The following TMEM184B variants were observed in gnomAD, a reference collection of about 807,000 sequenced individuals.
TMEM184B encodes the protein transmembrane protein 184B.
Under a neutral mutation model 41.8 loss-of-function variants are expected in TMEM184B, and 17 were observed. The observed-to-expected ratio is 0.41, with a 90% CI of 0.28 to 0.61. The LOEUF is 0.61. Ranked by LOEUF, TMEM184B falls within the 20% of genes least tolerant of loss-of-function variation. The probability of loss-of-function intolerance (pLI) is 0.34; values close to 1 mark genes in which losing one functional copy is unlikely to be tolerated. For missense variants in TMEM184B, 393 were observed against 557.8 expected (o/e 0.70, Z 2.98); for synonymous variants, 240 against 229.5 (o/e 1.05, Z -0.41).
intron 1 of TMEM184B, among the ~76,000 whole-genome samples, chr22:38,259,283 G>A (rs2092332722): frequency 6.6e-6 from 1 of 152,222 alleles, no homozygotes; most frequent in South Asian, 2.1e-4. Context: ...TATGTGCTGT[G>A]TGGTAGGCTG....
chr22:38,245,917 C>T lies in TMEM184B; in HGVS notation c.358+18G>A, dbSNP rs779497528. 2.5e-6 allele frequency: 4 copies of T among 1,589,722 alleles called. No individual in the cohort carries two copies. The highest frequency in any genetic ancestry group is 2.7e-5 in the African/African-American group (2 of 74,368). On this transcript the variant is annotated intron_variant, in intron 3 of 8. Coordinates refer to ENST00000361906, the MANE Select transcript of TMEM184B (RefSeq NM_012264.5). ...CCCAGCCCCCCGCCAGCCCTCCCCA[C>T]TCCGTCCCCATCCTCACCCTCATAG...
intron 3 of TMEM184B, among the ~76,000 whole-genome samples, chr22:38,238,110 T>C (rs1047276501): frequency 2.6e-5 from 4 of 151,922 alleles, no homozygotes; most frequent in African/African-American, 9.7e-5. Flanking sequence ...CCCTCGCGGC[T>C]TTTTTATCCT....
chr22:38,263,131 C>T (rs2092395466), intron 1 of TMEM184B, among the ~76,000 whole-genome samples: 1 of 152,032 alleles, frequency 6.6e-6, no homozygotes, highest in Admixed American at 6.5e-5. Flanking sequence ...TCGAACCCCT[C>T]ACCTCAAGTG....
intron 3 of TMEM184B, among the ~76,000 whole-genome samples, chr22:38,242,043 A>G (rs1276688455): frequency 6.6e-6 from 1 of 152,088 alleles, no homozygotes; most frequent in Non-Finnish European, 1.5e-5. Context: ...AAAACAGCTG[A>G]AAGAGTTGAA....
intron 5 of TMEM184B, among the ~76,000 whole-genome samples, chr22:38,230,272 A>G (rs16985662): frequency 0.21 from 32,365 of 152,148 alleles, 3,895 homozygotes; most frequent in African/African-American, 0.32. Context: ...GGGAGAGACG[A>G]AGAGACGGCA....
Position 38,221,454 on chromosome 22 carries a change from C to T in TMEM184B, c.*15G>A. On this transcript the variant is annotated 3_prime_UTR_variant, in exon 9 of 9. Coordinates refer to ENST00000361906, the MANE Select transcript of TMEM184B (RefSeq NM_012264.5). ...GTGGCTATGGCGCCAGCACTTCCGC[C>T]ACTGCAGCCCGCACCTAGAATTCAT... The T allele has an allele frequency of 6.3e-7, 1 of 1,583,448 alleles. No individual in the cohort carries two copies. The highest frequency in any genetic ancestry group is 8.6e-7 in the Non-Finnish European group (1 of 1,163,466).
intron 3 of TMEM184B, 32 bp downstream of exon 3, chr22:38,245,903 G>T: frequency 2.0e-6 from 1 of 488,160 alleles, no homozygotes; most frequent in Non-Finnish European, 3.2e-6. Context: ...CCAGCCCCCC[G>T]CCAGCCCTCC....
rs780848120 is a variant in TMEM184B at position 38,220,870 on chromosome 22, G to A, written c.*599C>T. On this transcript the variant is annotated 3_prime_UTR_variant, in exon 9 of 9. Coordinates refer to ENST00000361906, the MANE Select transcript of TMEM184B (RefSeq NM_012264.5). ...GGGCCCTGAATGCCCTTCCTGGGTGGGGCCTGTGACTCCTGGTGTCTGGCT... is the reference window on the plus strand; with the variant it reads ...GGGCCCTGAATGCCCTTCCTGGGTGAGGCCTGTGACTCCTGGTGTCTGGCT... The A allele has an allele frequency of 1.4e-5, 14 of 986,014 alleles. No homozygotes were observed. In the South Asian group the frequency reaches 3.3e-4, roughly 23 times the overall value. The allele number at this position is 986,014 out of a possible 1,614,324, so 61.1% of individuals were successfully genotyped here. A position where few individuals can be genotyped will look rare whatever the true frequency, so the allele number is the denominator to read the frequency against.
chr22:38,233,914 C>A (rs1029721550), intron 3 of TMEM184B, among the ~76,000 whole-genome samples: 1 of 152,082 alleles, frequency 6.6e-6, no homozygotes, highest in African/African-American at 2.4e-5. Flanking sequence ...GGATTACAGG[C>A]GCACACCACC....
At chr22:38,223,500 C>T (rs933134385) in intron 8 of TMEM184B, 8 of 152,510 alleles carry the variant, frequency 5.2e-5, no homozygotes, top group African/African-American at 9.6e-5. Context: ...AGGTCTTCCC[C>T]CACCAGGGAA....
chr22:38,231,175 G>C, intron 4 of TMEM184B, 69 bp downstream of exon 4: 1 of 1,352,338 alleles, frequency 7.4e-7, no homozygotes. Flanking sequence ...GCTGGTGCCA[G>C]GACGGCTCGA....
At chr22:38,261,992 A>AT (rs146561688) in intron 1 of TMEM184B, among the ~76,000 whole-genome samples, 6,344 of 152,380 alleles carry the variant, frequency 0.042, 418 homozygotes, top group African/African-American at 0.14. Context: ...ACAAGAATGA[A>AT]TTCACCGAAG....
At chr22:38,241,556 G>A (rs529361057) in intron 3 of TMEM184B, among the ~76,000 whole-genome samples, 10 of 151,644 alleles carry the variant, frequency 6.6e-5, no homozygotes, top group African/African-American at 2.4e-4. Context: ...AGCGGGGCAT[G>A]GTGGTGGCAC....
chr22:38,221,589 G>A lies in TMEM184B; in HGVS notation c.1104C>T (p.Ser368=), dbSNP rs772219378. 5 of 1,614,128 alleles carry A rather than the reference G, an allele frequency of 3.1e-6. No individual in the cohort carries two copies. The highest frequency in any genetic ancestry group is 4.5e-5 in the East Asian group (2 of 44,868). The change falls in exon 9 of 9, where the codon TCC becomes TCT. Residue 368 remains serine, a synonymous_variant. Coordinates refer to ENST00000361906, the MANE Select transcript of TMEM184B (RefSeq NM_012264.5). ...GCCAGGTGGGCCCAGGCTCCAGGGT[G>A]GACTGCTGCGTGTACTGCTGGTAGG... ...SPAYQQYTQQ[S]TLEPGPTWRG...
chr22:38,233,434 C>T (rs1244354201), intron 3 of TMEM184B, among the ~76,000 whole-genome samples: 1 of 152,220 alleles, frequency 6.6e-6, no homozygotes, highest in Non-Finnish European at 1.5e-5. Context: ...GGGCTCACTG[C>T]GCTGGGTGTT....
At chr22:38,240,585 C>T (rs2091882150) in intron 3 of TMEM184B, among the ~76,000 whole-genome samples, 1 of 151,964 alleles carries the variant, frequency 6.6e-6, no homozygotes, top group South Asian at 2.1e-4. Flanking sequence ...AGAAAGACTT[C>T]CCAGAACCTT....
Position 38,228,534 on chromosome 22 carries a change from T to C in TMEM184B, c.526-1664A>G, listed in dbSNP as rs544713270. Among the ~76,000 whole-genome samples, 20 of 152,318 alleles carry C rather than the reference T, an allele frequency of 1.3e-4. No individual in the cohort carries two copies. In the South Asian group the frequency reaches 1.5e-3, roughly 11 times the overall value. ...CAGAACCCCCAGGGAGCTTTAGACATGTGCCAGGTTCCAGGGCTCCATTCC... is the reference window on the plus strand; with the variant it reads ...CAGAACCCCCAGGGAGCTTTAGACACGTGCCAGGTTCCAGGGCTCCATTCC... On this transcript the variant is annotated intron_variant, in intron 5 of 8. Transcript: ENST00000361906.
In TMEM184B at chr22:38,245,859, G is replaced by A. The variant is rs566602033; in HGVS notation, c.358+76C>T. The A allele has an allele frequency of 2.0e-5, 29 of 1,431,616 alleles. No individual in the cohort carries two copies. In the East Asian group the frequency reaches 4.4e-4, roughly 22 times the overall value. The allele number at this position is 1,431,616 out of a possible 1,614,324, so 88.7% of individuals were successfully genotyped here. On this transcript the variant is annotated intron_variant, in intron 3 of 8. Coordinates refer to ENST00000361906, the MANE Select transcript of TMEM184B (RefSeq NM_012264.5). ...CAAGACAGTCCTCATGAAGCCCCTC[G>A]GGGAGGAATGTGGGGACAGGGGCTC...
intron 1 of TMEM184B, among the ~76,000 whole-genome samples, chr22:38,259,091 C>G (rs1169729357): frequency 6.6e-6 from 1 of 152,188 alleles, no homozygotes. Flanking sequence ...GCTGGCCCCC[C>G]ATCAGAGACA....
Sources: gnomAD v4.1 joint callset for allele counts (sites outside exome capture counted in the v4.1 genomes callset) on GRCh38, gnomAD v4.1.1 for gene constraint, MANE v1.5 for transcripts, NCBI Gene and HGNC (gene_info 2026-07-23, HGNC 2026-07-21) for gene names.